ZFYVE16: variants seen among roughly 807,000 people sequenced by gnomAD.
The protein encoded by ZFYVE16 is zinc finger FYVE-type containing 16, also known as zinc finger FYVE domain-containing protein 16.
In ZFYVE16, 89 loss-of-function variants were observed where a neutral mutation model predicts 138.1. The ratio of observed to expected loss-of-function variants is 0.64; its 90% CI spans 0.54 to 0.77. The LOEUF (loss-of-function observed/expected upper bound fraction) is 0.77. Ranked by LOEUF, ZFYVE16 falls within the 30% of genes least tolerant of loss-of-function variation. ZFYVE16 has a pLI of 0.00. For synonymous variants in ZFYVE16, 596 were observed against 618.3 expected (o/e 0.96, Z 0.53); for missense variants, 1,793 against 1,786.7 (o/e 1.00, Z -0.06).
rs1417810696 is a variant in ZFYVE16, at chr5:80,483,024, C to A, written c.*5647C>A. 1 of 152,072 alleles carries A rather than the reference C, an allele frequency of 6.6e-6. No individual in the cohort carries two copies. The highest frequency in any genetic ancestry group is 2.4e-5 in the African/African-American group (1 of 41,410). The allele number at this position is 152,072 out of a possible 1,614,324, so 9.4% of individuals were successfully genotyped here. On this transcript the variant is annotated 3_prime_UTR_variant, in exon 19 of 19. Transcript: ENST00000505560. ...CTGGGATTACAGGTGCGTGGTACCA[C>A]GCCCAGCTAATTTTTTTATGTTTGT...
intron 15 of ZFYVE16, among the ~76,000 whole-genome samples, chr5:80,470,141 AC>A (rs1183183341): frequency 8.8e-6 from 1 of 113,372 alleles, no homozygotes; most frequent in Non-Finnish European, 1.7e-5. Context: ...TCACCCTTTC[AC>A]CCAGGCTGGA....
upstream of ZFYVE16, chr5:80,408,051 G>A (rs897667789): frequency 1.3e-5 from 2 of 152,322 alleles, no homozygotes; most frequent in African/African-American, 4.8e-5. Context: ...GAAGCCCTGA[G>A]CCGGGATCTG....
In ZFYVE16 at chr5:80,434,264, T is replaced by C. The variant is rs371332632; in HGVS notation, c.70+47T>C. ...GCCGCTAATGGGATTTAAAAATATC[T>C]GTAATTAAGTTATCTCAGGTATACA... On this transcript the variant is annotated intron_variant, in intron 3 of 18. Transcript: ENST00000505560. 1.9e-6 allele frequency: 3 copies of C among 1,592,168 alleles called. No individual in the cohort carries two copies. In the African/African-American group the frequency reaches 4.0e-5, roughly 21 times the overall value.
chr5:80,420,503 T>A (rs892977416), intron 1 of ZFYVE16, among the ~76,000 whole-genome samples: 1 of 152,110 alleles, frequency 6.6e-6, no homozygotes, highest in African/African-American at 2.4e-5. Context: ...TGTCCAAGTG[T>A]TCTCATTGTT....
chr5:80,407,720 C>A (rs961389857), upstream of ZFYVE16, among the ~76,000 whole-genome samples: 4 of 152,218 alleles, frequency 2.6e-5, no homozygotes, highest in Non-Finnish European at 4.4e-5. Context: ...AGGGCTAAGG[C>A]TGGAGCCGGG....
At chr5:80,409,309 A>T (rs1053969251) in intron 1 of ZFYVE16, among the ~76,000 whole-genome samples, 2 of 152,212 alleles carry the variant, frequency 1.3e-5, no homozygotes, top group African/African-American at 4.8e-5. Flanking sequence ...TATTACAGAT[A>T]AAGCCAAATC....
At chr5:80,454,464 C>CTTCCCT in intron 11 of ZFYVE16, 1 of 151,558 alleles carries the variant, frequency 6.6e-6, no homozygotes, top group East Asian at 1.9e-4. Context: ...CCTCATGTCC[C>CTTCCCT]TTCCCTTTTT....
chr5:80,472,079 CTG>C (rs1561336586), intron 15 of ZFYVE16, among the ~76,000 whole-genome samples: 3 of 152,066 alleles, frequency 2.0e-5, no homozygotes, highest in African/African-American at 7.2e-5. Context: ...TGCTGTAACA[CTG>C]TGCTATGTTT....
intron 14 of ZFYVE16, among the ~76,000 whole-genome samples, chr5:80,458,348 A>T (rs140633690): frequency 6.6e-6 from 1 of 152,100 alleles, no homozygotes; most frequent in East Asian, 1.9e-4. Flanking sequence ...TACTCTCCCT[A>T]CAGGCAACCA....
chr5:80,431,675 A>G (rs933516461), intron 2 of ZFYVE16, among the ~76,000 whole-genome samples: 13 of 152,120 alleles, frequency 8.5e-5, no homozygotes, highest in African/African-American at 2.9e-4. Context: ...ACATGATTGT[A>G]TATTTAGAAA....
intron 15 of ZFYVE16, among the ~76,000 whole-genome samples, chr5:80,463,247 G>T (rs1753325967): frequency 6.6e-6 from 1 of 152,156 alleles, no homozygotes; most frequent in Non-Finnish European, 1.5e-5. Context: ...GGACATCCAG[G>T]CATTTCCGTA....
At chr5:80,409,340 A>C (rs1745094881) in intron 1 of ZFYVE16, among the ~76,000 whole-genome samples, 2 of 152,240 alleles carry the variant, frequency 1.3e-5, no homozygotes, top group Non-Finnish European at 2.9e-5. Context: ...ATCCTCAATC[A>C]TAATGTTACA....
At position 80,456,497 on chromosome 5, in the gene ZFYVE16, G is replaced by A; in HGVS notation, c.3727G>A (p.Asp1243Asn). ...RNYQYTLHNIDQLLIHMEMGK... is the reference protein window; with the variant it reads ...RNYQYTLHNINQLLIHMEMGK... The stretch of plus-strand genomic sequence containing the variant: ...TTACCAGTATACCTTGCATAATATA[G>A]ATCAACTGTTGATTCATATGGAAAT... The change falls in exon 13 of 19, where the codon GAT (aspartate) becomes AAT (asparagine). Residue 1243 changes from aspartate (D) to asparagine (N), a missense_variant. By Grantham distance (23) the Asp-to-Asn change is conservative. Transcript: ENST00000505560. 1 of 1,613,042 alleles carries A rather than the reference G, an allele frequency of 6.2e-7. No individual in the cohort carries two copies. Among genetic ancestry groups the A allele is most frequent in the East Asian group, 2.2e-5 (1 of 44,696 alleles).
chr5:80,436,310 A>C (rs1749896266), intron 3 of ZFYVE16, among the ~76,000 whole-genome samples: 1 of 152,202 alleles, frequency 6.6e-6, no homozygotes, highest in Non-Finnish European at 1.5e-5. Flanking sequence ...AAAAATGAAC[A>C]AGTAGAAAGC....
intron 2 of ZFYVE16, among the ~76,000 whole-genome samples, chr5:80,428,571 A>C (rs1404566942): frequency 6.6e-6 from 1 of 152,244 alleles, no homozygotes; most frequent in Non-Finnish European, 1.5e-5. Context: ...AAAGGAACGC[A>C]GTTCCTCACC....
Position 80,437,202 on chromosome 5 carries a change from C to T in ZFYVE16, c.517C>T (p.Pro173Ser). Reference protein sequence around the residue: ...GLDLSSVSDTPCVSSTDHDSD... With the variant: ...GLDLSSVSDTSCVSSTDHDSD... Reference sequence around the variant, plus strand: ...GGATTTATCTTCAGTGTCAGATACTCCCTGTGTTTCTTCAACAGACCATGA... The same window carrying T: ...GGATTTATCTTCAGTGTCAGATACTTCCTGTGTTTCTTCAACAGACCATGA... Residue 173 changes from proline (P) to serine (S), a missense_variant, in exon 4 of 19, where the codon CCC becomes TCC. Physicochemically the swap from Pro to Ser is moderately conservative, Grantham distance 74. Coordinates refer to ENST00000505560, the MANE Select transcript of ZFYVE16 (RefSeq NM_001284236.3). 6.2e-7 allele frequency: 1 copy of T among 1,613,984 alleles called. No homozygotes were observed. Among genetic ancestry groups the T allele is most frequent in the Non-Finnish European group, 8.5e-7 (1 of 1,179,986 alleles).
In ZFYVE16 at chr5:80,443,108, TTTTCCCC is replaced by T; in HGVS notation, c.2420-11_2420-5del. 2.6e-6 allele frequency: 4 copies of T among 1,520,680 alleles called. No individual in the cohort carries two copies. The highest frequency in any genetic ancestry group is 3.5e-6 in the Non-Finnish European group (4 of 1,144,934). The allele number at this position is 1,520,680 out of a possible 1,614,324, so 94.2% of individuals were successfully genotyped here. A position where few individuals can be genotyped will look rare whatever the true frequency, so the allele number is the denominator to read the frequency against. ...AACATCTGAGATTTTAACACTATTG[TTTTCCCC>T]TTTATAGCTCAGGCATTTGAAAGGA... On this transcript the variant is annotated splice_polypyrimidine_tract_variant and splice_region_variant and intron_variant, in intron 5 of 18. Coordinates refer to ENST00000505560, the MANE Select transcript of ZFYVE16 (RefSeq NM_001284236.3).
intron 15 of ZFYVE16, among the ~76,000 whole-genome samples, chr5:80,465,396 C>CTTTTTTTTTTTTTTTTTTTTTTTTTTT (rs1187412933): frequency 4.9e-4 from 13 of 26,400 alleles, no homozygotes; most frequent in South Asian, 1.4e-3. Context: ...TTTTCCTTTT[C>CTTTTTTTTTTTTTTTTTTTTTTTTTTT]TTTGTTTTTT....
chr5:80,448,379 G>A lies in ZFYVE16; in HGVS notation c.3078G>A (p.Leu1026=), dbSNP rs945615424. ...ATGAGGACAGTTTGCCCCCACTTCT[G>A]GTTGCATCTGGAGAAAAGGGATCAG... ...PNDEDSLPPL[L]VASGEKGSVP... Residue 1026 remains leucine, a synonymous_variant, in exon 8 of 19, where the codon CTG becomes CTA. Transcript: ENST00000505560. 6.4e-7 allele frequency: 1 copy of A among 1,555,902 alleles called. No homozygotes were observed. Among genetic ancestry groups the A allele is most frequent in the East Asian group, 2.3e-5 (1 of 43,980 alleles).
Sources: allele counts gnomAD v4.1 joint callset (sites outside exome capture counted in the v4.1 genomes callset), GRCh38; gene constraint gnomAD v4.1.1; transcripts MANE v1.5; gene names NCBI Gene and HGNC (gene_info 2026-07-23, HGNC 2026-07-21).